GRID2: variants seen among roughly 807,000 people sequenced by gnomAD.
GRID2 encodes the protein glutamate receptor ionotropic, delta-2.
GRID2 carries 33 observed loss-of-function variants against 114.8 expected under a neutral mutation model. The ratio of observed to expected loss-of-function variants is 0.29; its 90% confidence interval spans 0.22 to 0.38. GRID2 has a LOEUF of 0.38. GRID2 is among the 10% of genes least tolerant of loss of function. GRID2 has a pLI of 1.00. For missense variants in GRID2, 1,184 were observed against 1,257.7 expected, an observed-to-expected ratio of 0.94 and a Z score of 0.89; for synonymous variants, 505 against 449.9, an observed-to-expected ratio of 1.12 and a Z score of -1.55.
chr4:93,533,245 T>TTCCTTCCTTC (rs1731637414), intron 13 of GRID2, among the ~76,000 whole-genome samples: 9 of 105,790 alleles, frequency 8.5e-5, no homozygotes, highest in Admixed American at 2.1e-4. Flanking sequence ...TTTCTTTCTC[T>TTCCTTCCTTC]CTTCCTTCCT....
At chr4:92,370,240 T>G (rs901113825) in intron 1 of GRID2, among the ~76,000 whole-genome samples, 5 of 152,198 alleles carry the variant, frequency 3.3e-5, no homozygotes, top group African/African-American at 1.2e-4. Context: ...ATTTCACCCA[T>G]GTAAGATGAT....
intron 14 of GRID2, among the ~76,000 whole-genome samples, chr4:93,631,476 T>C (rs1720866266): frequency 6.6e-6 from 1 of 152,206 alleles, no homozygotes; most frequent in Non-Finnish European, 1.5e-5. Context: ...TTTGGTTTTT[T>C]GTCTTTGCAA....
At chr4:93,649,146 G>A (rs936632328) in intron 14 of GRID2, among the ~76,000 whole-genome samples, 27 of 151,970 alleles carry the variant, frequency 1.8e-4, no homozygotes, top group Middle Eastern at 3.4e-3. Context: ...ATTTTTTAAC[G>A]GCTATTTTGA....
At chr4:92,571,435 G>A (rs182384470) in intron 1 of GRID2, among the ~76,000 whole-genome samples, 187 of 152,086 alleles carry the variant, frequency 1.2e-3, no homozygotes, top group African/African-American at 3.4e-3. Context: ...ATAATAATGC[G>A]AGACTTTAAC....
chr4:92,306,222 CAGT>C (rs1375856219), intron 1 of GRID2, among the ~76,000 whole-genome samples: 1 of 152,234 alleles, frequency 6.6e-6, no homozygotes, highest in African/African-American at 2.4e-5. Context: ...TCATTTATAT[CAGT>C]AGAACTGTCT....
At chr4:92,849,898 T>C (rs1578304467) in intron 2 of GRID2, among the ~76,000 whole-genome samples, 2 of 151,874 alleles carry the variant, frequency 1.3e-5, no homozygotes, top group East Asian at 1.9e-4. Context: ...CATGGGTTAT[T>C]ACAGTAAATT....
chr4:92,605,330 A>T lies in GRID2; in HGVS notation c.244+15044A>T, dbSNP rs1209741018. Among the ~76,000 whole-genome samples the T allele has an allele frequency of 2.0e-5, 3 of 152,162 alleles. No individual in the cohort carries two copies. The East Asian group carries it at 5.8e-4, about 29-fold the overall frequency. Reference sequence around the variant, plus strand: ...TCAAAAATAAGAATCATAATTGTTCACTTATTTGTAGGATACTTCTTATTC... The same window carrying T: ...TCAAAAATAAGAATCATAATTGTTCTCTTATTTGTAGGATACTTCTTATTC... On this transcript the variant is annotated intron_variant, in intron 2 of 15. Transcript: ENST00000282020.
chr4:93,791,734 G>C (rs1188871400), intron 1 of GRID2, among the ~76,000 whole-genome samples: 1 of 152,084 alleles, frequency 6.6e-6, no homozygotes, highest in Non-Finnish European at 1.5e-5. Context: ...GAAAACACGG[G>C]CCTCCTCCTC....
intron 2 of GRID2, among the ~76,000 whole-genome samples, chr4:92,795,738 G>A (rs1023915817): frequency 6.6e-6 from 1 of 151,928 alleles, no homozygotes; most frequent in Admixed American, 6.6e-5. Context: ...ATTGTCTATT[G>A]TTAATTTGAT....
rs557525081 is a variant in GRID2, at chr4:92,550,590, C to T, written c.89-39541C>T. On this transcript the variant is annotated intron_variant, in intron 1 of 15. Transcript: ENST00000282020. The stretch of plus-strand genomic sequence containing the variant: ...TCTAAAAATATTCAGACTGGTTTGG[C>T]AGGCTCTCTGTCTGAGGCTTGAAGA... Among the ~76,000 whole-genome samples the T allele has an allele frequency of 5.9e-5, 9 of 152,202 alleles. No homozygotes were observed. In the South Asian group the frequency reaches 1.7e-3, roughly 28 times the overall value.
intron 2 of GRID2, among the ~76,000 whole-genome samples, chr4:92,899,812 A>G (rs1240113596): frequency 6.6e-6 from 1 of 152,220 alleles, no homozygotes; most frequent in Non-Finnish European, 1.5e-5. Context: ...AGCAATAAAC[A>G]TAATGAATAA....
chr4:92,565,626 A>G (rs1240077446), intron 1 of GRID2, among the ~76,000 whole-genome samples: 2 of 151,962 alleles, frequency 1.3e-5, no homozygotes, highest in Non-Finnish European at 2.9e-5. Context: ...CAAGACTGGT[A>G]TCTGACTTCA....
intron 11 of GRID2, among the ~76,000 whole-genome samples, chr4:93,473,658 C>T (rs1451993748): frequency 1.3e-5 from 2 of 152,052 alleles, no homozygotes; most frequent in South Asian, 4.1e-4. Flanking sequence ...TTAGCTCAAA[C>T]CTTTATATGT....
chr4:92,749,225 A>G (rs994500127), intron 2 of GRID2, among the ~76,000 whole-genome samples: 1 of 150,454 alleles, frequency 6.6e-6, no homozygotes, highest in African/African-American at 2.4e-5. Flanking sequence ...GATGGTCTCG[A>G]TCTCTTGACC....
At chr4:92,556,453 G>T (rs1726853848) in intron 1 of GRID2, among the ~76,000 whole-genome samples, 1 of 151,682 alleles carries the variant, frequency 6.6e-6, no homozygotes, top group Non-Finnish European at 1.5e-5. Flanking sequence ...ATTTTCATTG[G>T]ATCATTTATT....
chr4:92,752,504 T>C (rs1034914696), intron 2 of GRID2, among the ~76,000 whole-genome samples: 2 of 152,182 alleles, frequency 1.3e-5, no homozygotes, highest in Admixed American at 6.5e-5. Flanking sequence ...AGCTATATAA[T>C]AATTTCTGTA....
At chr4:92,594,113 C>G (rs1231754133) in intron 2 of GRID2, among the ~76,000 whole-genome samples, 1 of 151,518 alleles carries the variant, frequency 6.6e-6, no homozygotes, top group Non-Finnish European at 1.5e-5. Context: ...AGAACTAAAC[C>G]AAGACCTCCT....
At chr4:92,435,341 G>A (rs1732686061) in intron 1 of GRID2, among the ~76,000 whole-genome samples, 1 of 152,202 alleles carries the variant, frequency 6.6e-6, no homozygotes, top group Non-Finnish European at 1.5e-5. Flanking sequence ...AAAACAGAAA[G>A]GGTCAAACTT....
At chr4:92,510,048 G>T (rs1387163878) in intron 1 of GRID2, among the ~76,000 whole-genome samples, 2 of 151,840 alleles carry the variant, frequency 1.3e-5, no homozygotes, top group African/African-American at 4.8e-5. Flanking sequence ...GTTAATAAGA[G>T]ACTGTATTGG....
Sources: allele counts gnomAD v4.1 joint callset (sites outside exome capture counted in the v4.1 genomes callset), GRCh38; gene constraint gnomAD v4.1.1; transcripts MANE v1.5; gene names NCBI Gene and HGNC (gene_info 2026-07-23, HGNC 2026-07-21).